IQCJ: variants seen among roughly 807,000 people sequenced by gnomAD.
IQCJ encodes the protein IQ motif containing J, also known as IQ domain-containing protein J.
Under a neutral mutation model 11.0 loss-of-function variants are expected in IQCJ, and 9 were observed. The ratio of observed to expected loss-of-function variants is 0.82; its 90% CI spans 0.49 to 1.43. IQCJ has a LOEUF of 1.43. IQCJ is among the 40% of genes most tolerant of loss of function. The pLI is 0.00. For missense variants in IQCJ, 146 were observed against 133.2 expected (o/e 1.10, Z -0.47); for synonymous variants, 55 against 51.3 (o/e 1.07, Z -0.31).
chr3:159,228,401 T>G (rs1447631078), intron 1 of IQCJ, among the ~76,000 whole-genome samples: 2 of 152,198 alleles, frequency 1.3e-5, no homozygotes, highest in East Asian at 3.8e-4. Flanking sequence ...TTTAGGGCAA[T>G]CACTAAGATT....
At chr3:159,114,429 G>GC (rs1190973600) in intron 1 of IQCJ, among the ~76,000 whole-genome samples, 1 of 151,556 alleles carries the variant, frequency 6.6e-6, no homozygotes, top group African/African-American at 2.4e-5. Context: ...TCCTGCCTCA[G>GC]CCCCCCTCAT....
At chr3:159,262,351 G>A (rs1403147621) in intron 3 of IQCJ, among the ~76,000 whole-genome samples, 197 bp from the exon 4 acceptor site, 1 of 152,188 alleles carries the variant, frequency 6.6e-6, no homozygotes. Context: ...AAACCAGTAA[G>A]GTAGGGAGAC....
intron 1 of IQCJ, among the ~76,000 whole-genome samples, chr3:159,150,714 T>C (rs1721165430): frequency 6.6e-6 from 1 of 152,182 alleles, no homozygotes; most frequent in African/African-American, 2.4e-5. Flanking sequence ...ACACAGTAAC[T>C]ATTCAGTGAA....
At chr3:159,227,458 T>C (rs908062689) in intron 1 of IQCJ, among the ~76,000 whole-genome samples, 1 of 152,176 alleles carries the variant, frequency 6.6e-6, no homozygotes, top group African/African-American at 2.4e-5. Flanking sequence ...TAAGGGGATA[T>C]CCAAGAATAC....
At chr3:159,169,507 C>T (rs2108234944) in intron 1 of IQCJ, among the ~76,000 whole-genome samples, 1 of 151,854 alleles carries the variant, frequency 6.6e-6, no homozygotes, top group Admixed American at 6.6e-5. Context: ...TCAGGCTGGT[C>T]TCAAACTACT....
chr3:159,247,743 T>C (rs1238753573), intron 2 of IQCJ, among the ~76,000 whole-genome samples: 4 of 152,176 alleles, frequency 2.6e-5, no homozygotes, highest in African/African-American at 9.7e-5. Flanking sequence ...TTTTTGTAGC[T>C]TGTTTGGGGG....
At chr3:159,114,969 A>G (rs1417686744) in intron 1 of IQCJ, among the ~76,000 whole-genome samples, 1 of 152,166 alleles carries the variant, frequency 6.6e-6, no homozygotes, top group Non-Finnish European at 1.5e-5. Context: ...TCATGCTTTA[A>G]AAATAGCACA....
chr3:159,093,340 A>G (rs1577002247), intron 1 of IQCJ, among the ~76,000 whole-genome samples: 1 of 152,046 alleles, frequency 6.6e-6, no homozygotes. Flanking sequence ...TTCAAAGAGA[A>G]AAGTCAGGAG....
intron 1 of IQCJ, among the ~76,000 whole-genome samples, chr3:159,208,302 A>C (rs1724767546): frequency 1.3e-5 from 2 of 152,132 alleles, no homozygotes; most frequent in Admixed American, 1.3e-4. Context: ...GCGGTTTCCA[A>C]GCTGCTCTAC....
At chr3:159,126,527 CTA>C (rs1479272891) in intron 1 of IQCJ, among the ~76,000 whole-genome samples, 1 of 152,122 alleles carries the variant, frequency 6.6e-6, no homozygotes, top group Non-Finnish European at 1.5e-5. Context: ...AAGGAACAGG[CTA>C]TGTTTAATTC....
chr3:159,230,087 T>G (rs1324711478), intron 1 of IQCJ, among the ~76,000 whole-genome samples: 1 of 151,372 alleles, frequency 6.6e-6, no homozygotes, highest in Non-Finnish European at 1.5e-5. Flanking sequence ...TTGTACCTAT[T>G]TATGTCCAGG....
chr3:159,234,482 A>G (rs1048539767), intron 1 of IQCJ, among the ~76,000 whole-genome samples: 1 of 152,126 alleles, frequency 6.6e-6, no homozygotes, highest in Non-Finnish European at 1.5e-5. Context: ...TTAAGTTAGC[A>G]GTAGTGTTTA....
At chr3:159,123,478 C>A (rs1007831558) in intron 1 of IQCJ, among the ~76,000 whole-genome samples, 8 of 152,076 alleles carry the variant, frequency 5.3e-5, no homozygotes, top group African/African-American at 2.4e-5. Context: ...GGCCAAGGGA[C>A]AGCTGTTTTT....
chr3:159,117,190 C>T (rs1353445226), intron 1 of IQCJ, among the ~76,000 whole-genome samples: 2 of 152,190 alleles, frequency 1.3e-5, no homozygotes, highest in Non-Finnish European at 2.9e-5. Flanking sequence ...CCCTTAGTCA[C>T]TGCATTCTGT....
chr3:159,191,475 G>A (rs1436211572), intron 1 of IQCJ, among the ~76,000 whole-genome samples: 3 of 152,162 alleles, frequency 2.0e-5, no homozygotes, highest in Non-Finnish European at 4.4e-5. Context: ...CTCAGGGTGG[G>A]AGGGTGATAC....
At chr3:159,117,591 G>C (rs1719104819) in intron 1 of IQCJ, among the ~76,000 whole-genome samples, 1 of 152,196 alleles carries the variant, frequency 6.6e-6, no homozygotes, top group Admixed American at 6.5e-5. Flanking sequence ...ATAGAACATA[G>C]TGGAAAAAGC....
intron 1 of IQCJ, among the ~76,000 whole-genome samples, chr3:159,114,437 C>T (rs1357259592): frequency 6.6e-6 from 1 of 151,940 alleles, no homozygotes; most frequent in African/African-American, 2.4e-5. Context: ...CAGCCCCCCT[C>T]ATAGCTGGGA....
At chr3:159,084,044 C>T (rs566872941) in intron 1 of IQCJ, among the ~76,000 whole-genome samples, 5 of 152,076 alleles carry the variant, frequency 3.3e-5, no homozygotes, top group African/African-American at 7.2e-5. Flanking sequence ...TAAAACCACA[C>T]GCACACATAT....
chr3:159,165,999 A>G (rs1722146075), intron 1 of IQCJ, among the ~76,000 whole-genome samples: 1 of 152,046 alleles, frequency 6.6e-6, no homozygotes, highest in Non-Finnish European at 1.5e-5. Context: ...TTGCAAGTGC[A>G]TCATGCATTT....
Sources: allele counts gnomAD v4.1 joint callset (sites outside exome capture counted in the v4.1 genomes callset), GRCh38; gene constraint gnomAD v4.1.1; transcripts MANE v1.5; gene names NCBI Gene and HGNC (gene_info 2026-07-23, HGNC 2026-07-21).